SORCS3: variants seen among roughly 807,000 people sequenced by gnomAD.
SORCS3 encodes sortilin related VPS10 domain containing receptor 3.
In SORCS3, 57 loss-of-function variants were observed where a neutral mutation model predicts 146.3. The ratio of observed to expected loss-of-function variants is 0.39; its 90% CI spans 0.31 to 0.49. The LOEUF (loss-of-function observed/expected upper bound fraction) is 0.49, where lower values mean the gene tolerates loss of function less well. SORCS3 is among the 20% of genes least tolerant of loss of function. SORCS3 has a pLI of 0.92. For missense variants in SORCS3, 1,341 were observed against 1,575.5 expected (o/e 0.85, Z 2.52); for synonymous variants, 653 against 618.5 (o/e 1.06, Z -0.83).
chr10:104,792,589 T>C (rs1324735959), intron 1 of SORCS3, among the ~76,000 whole-genome samples: 1 of 152,244 alleles, frequency 6.6e-6, no homozygotes, highest in African/African-American at 2.4e-5. Context: ...TTTATCCTTA[T>C]GGTCTTTGGA....
intron 3 of SORCS3, among the ~76,000 whole-genome samples, chr10:104,922,359 G>C (rs1036652778): frequency 5.3e-5 from 8 of 152,302 alleles, no homozygotes; most frequent in Middle Eastern, 6.8e-3. Context: ...TATGTTTTGA[G>C]GGAGGGAGTT....
At chr10:104,690,554 T>C (rs984311411) in intron 1 of SORCS3, among the ~76,000 whole-genome samples, 1 of 152,224 alleles carries the variant, frequency 6.6e-6, no homozygotes, top group Non-Finnish European at 1.5e-5. Flanking sequence ...CCCTCAGGCA[T>C]AGGCAGACCT....
intron 13 of SORCS3, among the ~76,000 whole-genome samples, chr10:105,173,474 A>G (rs2056376488): frequency 6.6e-6 from 1 of 152,082 alleles, no homozygotes; most frequent in African/African-American, 2.4e-5. Flanking sequence ...TACCAAATTC[A>G]TTGACTTCAT....
At chr10:105,057,113 T>C (rs944569118) in intron 5 of SORCS3, among the ~76,000 whole-genome samples, 5 of 152,168 alleles carry the variant, frequency 3.3e-5, no homozygotes, top group African/African-American at 1.2e-4. Flanking sequence ...TAGTGATTTC[T>C]CCAACAGTGC....
chr10:104,866,686 T>C (rs2018462186), intron 2 of SORCS3, among the ~76,000 whole-genome samples: 1 of 152,246 alleles, frequency 6.6e-6, no homozygotes, highest in South Asian at 2.1e-4. Context: ...CTCTTATTTG[T>C]AAATCATTCA....
intron 14 of SORCS3, among the ~76,000 whole-genome samples, chr10:105,187,450 A>G (rs1321773008): frequency 6.6e-6 from 1 of 152,196 alleles, no homozygotes; most frequent in Non-Finnish European, 1.5e-5. Flanking sequence ...GAAAACAATC[A>G]GGTGGCATGG....
chr10:104,902,478 C>T (rs1035258791), intron 2 of SORCS3, among the ~76,000 whole-genome samples: 2 of 152,204 alleles, frequency 1.3e-5, no homozygotes, highest in African/African-American at 4.8e-5. Context: ...ATGGATTGAC[C>T]ATGAAAATTG....
At chr10:104,916,693 C>T (rs539125608) in intron 3 of SORCS3, among the ~76,000 whole-genome samples, 56 of 152,174 alleles carry the variant, frequency 3.7e-4, no homozygotes, top group East Asian at 1.9e-4. Context: ...TATTTAGAAA[C>T]GTAGGCAGAC....
chr10:104,724,621 C>T (rs1274147696), intron 1 of SORCS3, among the ~76,000 whole-genome samples: 23 of 152,248 alleles, frequency 1.5e-4, no homozygotes, highest in Middle Eastern at 6.8e-3. Context: ...ACCAATCAGA[C>T]GTAGATTTGG....
chr10:104,871,136 C>A (rs1246237262), intron 2 of SORCS3, among the ~76,000 whole-genome samples: 17 of 152,166 alleles, frequency 1.1e-4, no homozygotes, highest in Non-Finnish European at 1.5e-5. Flanking sequence ...GACAGTGTGT[C>A]ATACACTATC....
chr10:105,165,798 A>G (rs532242241), intron 12 of SORCS3, among the ~76,000 whole-genome samples: 5 of 152,252 alleles, frequency 3.3e-5, no homozygotes, highest in African/African-American at 1.2e-4. Context: ...CGTTGTCACT[A>G]CTTTTTCTTT....
intron 5 of SORCS3, among the ~76,000 whole-genome samples, chr10:105,044,072 GA>G (rs1049717676): frequency 6.6e-6 from 1 of 151,024 alleles, no homozygotes; most frequent in Non-Finnish European, 1.5e-5. Context: ...TATGCTTAAT[GA>G]AAAAAAAAGA....
chr10:104,779,519 CTTG>C (rs2017349019), intron 1 of SORCS3, among the ~76,000 whole-genome samples: 3 of 152,184 alleles, frequency 2.0e-5, no homozygotes, highest in Non-Finnish European at 2.9e-5. Context: ...CACACCAGGA[CTTG>C]CAGTGTGGAC....
intron 1 of SORCS3, among the ~76,000 whole-genome samples, chr10:104,708,638 G>T (rs879362234): frequency 2.6e-5 from 4 of 152,116 alleles, no homozygotes; most frequent in Non-Finnish European, 5.9e-5. Context: ...CTGTTTTTCT[G>T]TAAATCTCCC....
intron 3 of SORCS3, among the ~76,000 whole-genome samples, chr10:104,958,824 G>C (rs1336175697): frequency 1.3e-5 from 2 of 152,126 alleles, no homozygotes; most frequent in Non-Finnish European, 2.9e-5. Flanking sequence ...AAGGTGAAGG[G>C]GAAGCAAGGC....
intron 5 of SORCS3, among the ~76,000 whole-genome samples, chr10:105,055,239 AACAGGGTAACCTTGAGAT>A (rs2055438564): frequency 6.6e-6 from 1 of 152,212 alleles, no homozygotes; most frequent in Non-Finnish European, 1.5e-5. Context: ...GGCATGACTG[AACAGGGTAACCTTGAGAT>A]ACATACGTAA....
intron 3 of SORCS3, among the ~76,000 whole-genome samples, chr10:104,957,017 A>C (rs2140837): frequency 0.25 from 38,431 of 152,004 alleles, 6,221 homozygotes; most frequent in African/African-American, 0.46. Flanking sequence ...ATTCTCAATT[A>C]TCTCTTGTCC....
At chr10:105,252,680 A>G in intron 22 of SORCS3, 95 bp from the exon 23 acceptor site, 6 of 1,499,474 alleles carry the variant, frequency 4.0e-6, no homozygotes, top group Non-Finnish European at 5.5e-6. Flanking sequence ...TGAAAAACTC[A>G]CATGAGCCAT....
At chr10:105,061,270 G>A (rs2055484346) in intron 5 of SORCS3, among the ~76,000 whole-genome samples, 2 of 149,372 alleles carry the variant, frequency 1.3e-5, no homozygotes, top group South Asian at 4.2e-4. Context: ...GAGGTAGGGT[G>A]GGAGAGATGT....
Sources: gnomAD v4.1 joint callset for allele counts (sites outside exome capture counted in the v4.1 genomes callset) on GRCh38, gnomAD v4.1.1 for gene constraint, MANE v1.5 for transcripts, NCBI Gene and HGNC (gene_info 2026-07-23, HGNC 2026-07-21) for gene names.